Variants in CNTNAP5 observed in about 807,000 individuals in gnomAD.
CNTNAP5 encodes the protein contactin-associated protein-like 5.
Under a neutral mutation model 150.2 loss-of-function variants are expected in CNTNAP5, and 72 were observed. The ratio of observed to expected loss-of-function variants is 0.48; its 90% CI spans 0.40 to 0.58. The LOEUF (loss-of-function observed/expected upper bound fraction) is 0.58, where lower values mean the gene tolerates loss of function less well. CNTNAP5 is among the 20% of genes least tolerant of loss of function. CNTNAP5 has a pLI of 0.00. For synonymous variants in CNTNAP5, 672 were observed against 619.8 expected (o/e 1.08, Z -1.25); for missense variants, 1,636 against 1,626.2 (o/e 1.01, Z -0.10).
chr2:124,215,998 C>G (rs1453819911), intron 1 of CNTNAP5, among the ~76,000 whole-genome samples: 1 of 152,076 alleles, frequency 6.6e-6, no homozygotes, highest in African/African-American at 2.4e-5. Context: ...TTGGGCAGTC[C>G]TGTCATCTCC....
At chr2:124,722,549 A>G (rs1230135457) in intron 13 of CNTNAP5, among the ~76,000 whole-genome samples, 4 of 152,144 alleles carry the variant, frequency 2.6e-5, no homozygotes, top group Admixed American at 6.5e-5. Flanking sequence ...TTTTGGCTTC[A>G]TGCTCATCCT....
intron 19 of CNTNAP5, among the ~76,000 whole-genome samples, chr2:124,855,860 C>A (rs184314714): frequency 6.6e-6 from 1 of 152,112 alleles, no homozygotes; most frequent in Admixed American, 6.5e-5. Context: ...TATCCCTCAT[C>A]CCCCTTTCAC....
intron 1 of CNTNAP5, among the ~76,000 whole-genome samples, chr2:124,078,617 A>G (rs1224806159): frequency 2.0e-5 from 3 of 152,240 alleles, no homozygotes; most frequent in African/African-American, 7.2e-5. Context: ...AATTTTTGCC[A>G]GCTCTGATGC....
At chr2:124,581,908 C>T (rs912851183) in intron 11 of CNTNAP5, among the ~76,000 whole-genome samples, 2 of 152,180 alleles carry the variant, frequency 1.3e-5, no homozygotes, top group South Asian at 4.1e-4. Flanking sequence ...CCTCAGGGAA[C>T]CTATTCTCAA....
In CNTNAP5 at chr2:124,527,406, C is replaced by T. The variant is rs1694997566; in HGVS notation, c.1599C>T (p.Ser533=). 6.2e-7 allele frequency: 1 copy of T among 1,613,688 alleles called. No individual in the cohort carries two copies. Among genetic ancestry groups the T allele is most frequent in the Non-Finnish European group, 8.5e-7 (1 of 1,179,706 alleles). ...ACCTCATTTCAGTTCAGCAAGGTTC[C>T]CTGGGGAATTTTAGTGATTTACACA... is the stretch of plus-strand genomic sequence containing the variant. ...PKDLISVQQG[S]LGNFSDLHID... The change falls in exon 10 of 24, where the codon TCC becomes TCT. Residue 533 remains serine (S), a synonymous_variant. Coordinates refer to ENST00000682447, the MANE Select transcript of CNTNAP5 (RefSeq NM_001367498.1).
intron 1 of CNTNAP5, among the ~76,000 whole-genome samples, chr2:124,205,609 G>A (rs1685843866): frequency 6.6e-6 from 1 of 151,906 alleles, no homozygotes; most frequent in Non-Finnish European, 1.5e-5. Flanking sequence ...AGTAGAGATG[G>A]GGTTTCACCA....
intron 1 of CNTNAP5, among the ~76,000 whole-genome samples, chr2:124,210,801 T>C (rs538066415): frequency 6.6e-6 from 1 of 152,214 alleles, no homozygotes; most frequent in Admixed American, 6.5e-5. Context: ...CTTTTTAAGT[T>C]TATAATCTTC....
At chr2:124,796,067 C>G (rs1368678874) in intron 18 of CNTNAP5, among the ~76,000 whole-genome samples, 1 of 151,994 alleles carries the variant, frequency 6.6e-6, no homozygotes, top group African/African-American at 2.4e-5. Flanking sequence ...GTACAAGAAA[C>G]TGAAAGAATA....
intron 8 of CNTNAP5, among the ~76,000 whole-genome samples, chr2:124,506,513 C>T (rs1223621660): frequency 1.3e-5 from 2 of 152,106 alleles, no homozygotes; most frequent in African/African-American, 4.8e-5. Context: ...TCATGTCAGA[C>T]CGTGGGAGAC....
At chr2:124,813,740 A>G (rs780787201) in intron 19 of CNTNAP5, among the ~76,000 whole-genome samples, 11 of 151,062 alleles carry the variant, frequency 7.3e-5, no homozygotes, top group Non-Finnish European at 1.5e-4. Context: ...AACAAGCATC[A>G]CTCTTCTTTT....
chr2:124,363,222 A>G (rs978896190), intron 3 of CNTNAP5, among the ~76,000 whole-genome samples: 1 of 152,144 alleles, frequency 6.6e-6, no homozygotes, highest in Non-Finnish European at 1.5e-5. Flanking sequence ...CTTCTTGGAC[A>G]CTTCATTGTT....
chr2:124,579,137 T>C (rs1372978664), intron 11 of CNTNAP5, among the ~76,000 whole-genome samples: 1 of 152,196 alleles, frequency 6.6e-6, no homozygotes, highest in African/African-American at 2.4e-5. Flanking sequence ...CCTCTTAACA[T>C]ATGTAATGGA....
intron 19 of CNTNAP5, among the ~76,000 whole-genome samples, chr2:124,822,785 G>T (rs746032988): frequency 6.6e-6 from 1 of 152,248 alleles, no homozygotes; most frequent in South Asian, 2.1e-4. Flanking sequence ...CTTTCATGGG[G>T]TATTCTTTTA....
intron 13 of CNTNAP5, among the ~76,000 whole-genome samples, chr2:124,678,663 C>G (rs1325162946): frequency 6.6e-6 from 1 of 151,790 alleles, no homozygotes; most frequent in Non-Finnish European, 1.5e-5. Context: ...ATGGAACCCC[C>G]TGTTATGAAA....
At chr2:124,134,045 A>G (rs753234248) in intron 1 of CNTNAP5, among the ~76,000 whole-genome samples, 13 of 152,134 alleles carry the variant, frequency 8.5e-5, no homozygotes, top group Middle Eastern at 3.2e-3. Context: ...CTTTCCTGCA[A>G]CATTATCAGT....
chr2:124,126,164 C>T (rs1369102291), intron 1 of CNTNAP5, among the ~76,000 whole-genome samples: 1 of 152,032 alleles, frequency 6.6e-6, no homozygotes, highest in Non-Finnish European at 1.5e-5. Flanking sequence ...TGATAGACTG[C>T]TAGCAAGACT....
chr2:124,783,440 A>C lies in CNTNAP5; in HGVS notation c.2753-6462A>C, dbSNP rs1157652013. ...TATTTCAAAAGATCAATTAAATATT[A>C]ATATTTCTGCTTGTAATCCTCCTCC... On this transcript the variant is annotated intron_variant, in intron 17 of 23. Coordinates refer to ENST00000682447, the MANE Select transcript of CNTNAP5 (RefSeq NM_001367498.1). Among the ~76,000 whole-genome samples the C allele has an allele frequency of 2.0e-5, 3 of 152,126 alleles. No individual in the cohort carries two copies. In the East Asian group the frequency reaches 5.8e-4, roughly 29 times the overall value.
intron 3 of CNTNAP5, among the ~76,000 whole-genome samples, chr2:124,407,837 G>C (rs557884778): frequency 6.6e-6 from 1 of 152,096 alleles, no homozygotes. Flanking sequence ...TCTCTTTGGT[G>C]GGTTCAGTTT....
At chr2:124,698,256 G>T (rs1163099165) in intron 13 of CNTNAP5, among the ~76,000 whole-genome samples, 2 of 151,920 alleles carry the variant, frequency 1.3e-5, no homozygotes, top group Non-Finnish European at 2.9e-5. Context: ...AAAGGCTGAG[G>T]AAAGGGGAAT....
Sources: allele counts gnomAD v4.1 joint callset (sites outside exome capture counted in the v4.1 genomes callset), GRCh38; gene constraint gnomAD v4.1.1; transcripts MANE v1.5; gene names NCBI Gene and HGNC (gene_info 2026-07-23, HGNC 2026-07-21).